The following GRIK2 variants were observed in gnomAD, a reference collection of about 807,000 sequenced individuals.
GRIK2 encodes glutamate ionotropic receptor kainate type subunit 2, also known as glutamate receptor ionotropic, kainate 2.
In GRIK2, 32 loss-of-function variants were observed where a neutral mutation model predicts 100.3. The observed-to-expected ratio is 0.32, with a 90% CI of 0.24 to 0.43. The LOEUF is 0.43. GRIK2 is among the 20% of genes least tolerant of loss of function. The probability of loss-of-function intolerance (pLI) is 1.00; values close to 1 mark genes in which losing one functional copy is unlikely to be tolerated. For synonymous variants in GRIK2, 417 were observed against 389.4 expected (o/e 1.07, Z -0.83); for missense variants, 843 against 1,114.9 (o/e 0.76, Z 3.47).
At chr6:101,922,090 T>TCCTTCCTC (rs1276975840) in intron 12 of GRIK2, among the ~76,000 whole-genome samples, 25 of 18,780 alleles carry the variant, frequency 1.3e-3, no homozygotes, top group African/African-American at 5.6e-3. Flanking sequence ...CTTCCTTCCT[T>TCCTTCCTC]CCTTCCTTCC....
intron 2 of GRIK2, among the ~76,000 whole-genome samples, chr6:101,552,142 G>T (rs1248859942): frequency 6.6e-6 from 1 of 152,092 alleles, no homozygotes; most frequent in African/African-American, 2.4e-5. Flanking sequence ...GAAAAGAGGA[G>T]ACCTTGGAAG....
At chr6:101,419,356 G>T (rs761533267) in intron 2 of GRIK2, among the ~76,000 whole-genome samples, 5 of 152,146 alleles carry the variant, frequency 3.3e-5, no homozygotes, top group African/African-American at 1.2e-4. Flanking sequence ...ATTCAGGCCT[G>T]TGCAAAGAGG....
At chr6:101,477,624 TCTGCCTG>T (rs1401916111) in intron 2 of GRIK2, among the ~76,000 whole-genome samples, 2 of 152,220 alleles carry the variant, frequency 1.3e-5, no homozygotes, top group African/African-American at 4.8e-5. Context: ...TTTATTCATA[TCTGCCTG>T]CTGCAGGAAA....
intron 4 of GRIK2, among the ~76,000 whole-genome samples, chr6:101,653,650 T>C (rs75679726): frequency 5.8e-4 from 88 of 152,106 alleles, no homozygotes; most frequent in African/African-American, 2.0e-3. Context: ...CTTTTTTTTT[T>C]CCTCACTTGT....
At chr6:101,625,900 GA>G (rs1233387382) in intron 3 of GRIK2, among the ~76,000 whole-genome samples, 3 of 152,088 alleles carry the variant, frequency 2.0e-5, no homozygotes, top group Non-Finnish European at 4.4e-5. Flanking sequence ...CGCATAACCC[GA>G]CATGTATCAT....
intron 16 of GRIK2, among the ~76,000 whole-genome samples, chr6:102,059,470 A>T (rs1268877780): frequency 6.6e-6 from 1 of 151,266 alleles, no homozygotes; most frequent in Non-Finnish European, 1.5e-5. Flanking sequence ...GCAATCCAAG[A>T]AACTGTTGTG....
intron 2 of GRIK2, among the ~76,000 whole-genome samples, chr6:101,412,147 C>T (rs773387316): frequency 2.7e-4 from 41 of 152,028 alleles, no homozygotes; most frequent in Non-Finnish European, 5.3e-4. Flanking sequence ...TGATTATACT[C>T]TCTGGACCTT....
chr6:101,732,437 G>A (rs1775340352), intron 7 of GRIK2, among the ~76,000 whole-genome samples: 1 of 151,800 alleles, frequency 6.6e-6, no homozygotes, highest in Non-Finnish European at 1.5e-5. Flanking sequence ...AAAAGACTTG[G>A]TTGTTTTCTA....
chr6:101,702,536 G>T (rs969425079), intron 7 of GRIK2, among the ~76,000 whole-genome samples: 1 of 151,894 alleles, frequency 6.6e-6, no homozygotes. Flanking sequence ...TACACAGCTT[G>T]CTTAATGTTT....
At position 101,897,025 on chromosome 6, in the gene GRIK2, CACACACAG is replaced by C. The variant is rs972900388; in HGVS notation, c.1748+7168_1748+7175del. On this transcript the variant is annotated intron_variant, in intron 12 of 16. Transcript: ENST00000369134. ...ACACACACACACACACACACACACA[CACACACAG>C]ACACATACACATGCACACACATCTG... Among the ~76,000 whole-genome samples, 9 of 151,132 alleles carry C rather than the reference CACACACAG, an allele frequency of 6.0e-5. No homozygotes were observed. The East Asian group carries it at 1.6e-3, about 26-fold the overall frequency.
chr6:101,976,421 G>T (rs1462345980), intron 14 of GRIK2, among the ~76,000 whole-genome samples: 2 of 151,972 alleles, frequency 1.3e-5, no homozygotes, highest in African/African-American at 2.4e-5. Flanking sequence ...GTGCATCTGG[G>T]TGTGGTGGCT....
intron 11 of GRIK2, among the ~76,000 whole-genome samples, chr6:101,878,988 A>C (rs934267641): frequency 2.0e-5 from 3 of 152,038 alleles, no homozygotes; most frequent in Non-Finnish European, 2.9e-5. Flanking sequence ...AGGTCAGCTG[A>C]AGGCTCTGTT....
At chr6:101,705,432 C>T (rs971881009) in intron 7 of GRIK2, among the ~76,000 whole-genome samples, 1 of 151,720 alleles carries the variant, frequency 6.6e-6, no homozygotes, top group Non-Finnish European at 1.5e-5. Context: ...ATCCTCACAT[C>T]ATTAGACGAA....
intron 2 of GRIK2, among the ~76,000 whole-genome samples, chr6:101,459,760 T>C (rs972121168): frequency 1.3e-5 from 2 of 151,868 alleles, no homozygotes; most frequent in Non-Finnish European, 2.9e-5. Context: ...CTCTGGACCA[T>C]AGAAATTACA....
In GRIK2 at chr6:101,969,798, T is replaced by C. The variant is rs369166253; in HGVS notation, c.2085+41166T>C. Among the ~76,000 whole-genome samples, 259 of 152,174 alleles carry C rather than the reference T, an allele frequency of 1.7e-3. 1 individual carries two copies. The highest frequency in any genetic ancestry group is 5.1e-3 in the African/African-American group (213 of 41,554). ...ATTGGAGTAATCATAAGGAGCAGCA[T>C]ACGAGTTTGGTCAGCAACTGCTTGG... On this transcript the variant is annotated intron_variant, in intron 14 of 16. Coordinates refer to ENST00000369134, the MANE Select transcript of GRIK2 (RefSeq NM_021956.5).
At chr6:101,445,747 C>G (rs1471421609) in intron 2 of GRIK2, among the ~76,000 whole-genome samples, 1 of 152,056 alleles carries the variant, frequency 6.6e-6, no homozygotes, top group Non-Finnish European at 1.5e-5. Context: ...TGGGATCTAG[C>G]CACTTTTCCC....
At chr6:101,542,728 G>C (rs574278172) in intron 2 of GRIK2, among the ~76,000 whole-genome samples, 1 of 152,040 alleles carries the variant, frequency 6.6e-6, no homozygotes, top group Admixed American at 6.6e-5. Context: ...ATATAACTAT[G>C]AGCGTGTAAG....
chr6:101,959,828 A>G (rs1430157493), intron 14 of GRIK2, among the ~76,000 whole-genome samples: 2 of 151,996 alleles, frequency 1.3e-5, no homozygotes, highest in Non-Finnish European at 1.5e-5. Context: ...CCTAATAACT[A>G]TATGTGATAA....
chr6:101,807,008 A>G (rs1781046225), intron 9 of GRIK2, among the ~76,000 whole-genome samples: 1 of 151,738 alleles, frequency 6.6e-6, no homozygotes, highest in Admixed American at 6.6e-5. Context: ...TGTCTTGAGG[A>G]CAAAGTATGT....
Sources: allele counts gnomAD v4.1 joint callset (sites outside exome capture counted in the v4.1 genomes callset), GRCh38; gene constraint gnomAD v4.1.1; transcripts MANE v1.5; gene names NCBI Gene and HGNC (gene_info 2026-07-23, HGNC 2026-07-21).